Variants in OR2T11 observed in about 807,000 individuals in gnomAD.
The protein encoded by OR2T11 is olfactory receptor 2T11.
In OR2T11, 14 loss-of-function variants were observed where a neutral mutation model predicts 13.5. The ratio of observed to expected loss-of-function variants is 1.04; its 90% CI spans 0.69 to 1.62. The LOEUF (loss-of-function observed/expected upper bound fraction) is 1.62. Among genes scored for constraint, OR2T11 ranks in the 40% most tolerant of loss-of-function variants. The pLI is 0.00. For missense variants in OR2T11, 410 were observed against 389.7 expected, an observed-to-expected ratio of 1.05 and a Z score of -0.44; for synonymous variants, 163 against 154.6, an observed-to-expected ratio of 1.05 and a Z score of -0.40.
At chr1:248,632,341 T>G (rs1170356632) in intron 1 of OR2T11, among the ~76,000 whole-genome samples, 7 of 141,096 alleles carry the variant, frequency 5.0e-5, no homozygotes, top group African/African-American at 2.0e-4. Flanking sequence ...AGACCTCTAA[T>G]GGACAGATTT....
rs1303320658 is a variant in OR2T11 at position 248,628,486 on chromosome 1, G to C, written c.-144-1214C>G. Among the ~76,000 whole-genome samples the C allele has an allele frequency of 1.4e-5, 2 of 140,814 alleles. 1 individual carries two copies. Among genetic ancestry groups the C allele is most frequent in the Non-Finnish European group, 3.0e-5 (2 of 65,772 alleles). The allele number at this position is 140,814 out of a possible 152,430, so 92.4% of individuals were successfully genotyped here. On this transcript the variant is annotated intron_variant, in intron 1 of 1. Transcript: ENST00000641193. ...TTGGCTCCACTATCTAGTGTTGCCA[G>C]ATTTAGCAAAGATACAGGATTCTCA...
rs376054636 is a variant in OR2T11 at position 248,626,977 on chromosome 1, C to T, written c.152G>A (p.Arg51His). Residue 51 changes from arginine to histidine, a missense_variant, in exon 2 of 2, where the codon CGC becomes CAC. By Grantham distance (29) the Arg-to-His change is conservative. Transcript: ENST00000641193. ...VMIFLIQVDS[R>H]LHTPMYFLLS... is the part of the protein sequence containing the mutation. ...CAGAAAGTACATGGGGGTGTGGAGG[C>T]GAGAGTCCACCTGAATCAAGAATAT... 385 of 1,571,204 alleles carry T rather than the reference C, an allele frequency of 2.5e-4. 50 individuals carry two copies. The highest frequency in any genetic ancestry group is 2.8e-4 in the Non-Finnish European group (327 of 1,155,744).
In OR2T11 at chr1:248,629,134, T is replaced by C. The variant is rs151259106; in HGVS notation, c.-144-1862A>G. ...TAAAACAGTAAAAACAGGCCAGGTG[T>C]GGTGGTTCATGCCTGTAACCCCAGC... On this transcript the variant is annotated intron_variant, in intron 1 of 1. Coordinates refer to ENST00000641193, the MANE Select transcript of OR2T11 (RefSeq NM_001001964.2). Among the ~76,000 whole-genome samples, 136 of 143,172 alleles carry C rather than the reference T, an allele frequency of 9.5e-4. 27 individuals carry two copies. The highest frequency in any genetic ancestry group is 3.5e-3 in the African/African-American group (126 of 36,404). 93.9% of individuals were successfully genotyped at this position (143,172 alleles called of 152,430 possible).
At position 248,626,964 on chromosome 1, in the gene OR2T11, G is replaced by C. The variant is rs537122223; in HGVS notation, c.165C>G (p.Pro55=). ...LIQVDSRLHT[P]MYFLLSQLSI... Reference sequence around the variant, plus strand: ...ACAGCTGACTGAGCAGAAAGTACATGGGGGTGTGGAGGCGAGAGTCCACCT... The same window carrying C: ...ACAGCTGACTGAGCAGAAAGTACATCGGGGTGTGGAGGCGAGAGTCCACCT... The change falls in exon 2 of 2, where the codon CCC becomes CCG. Residue 55 remains proline (P), a synonymous_variant. Coordinates refer to ENST00000641193, the MANE Select transcript of OR2T11 (RefSeq NM_001001964.2). The C allele has an allele frequency of 4.5e-6, 7 of 1,572,036 alleles. No homozygotes were observed. The highest frequency in any genetic ancestry group is 6.1e-6 in the Non-Finnish European group (7 of 1,156,136).
Position 248,626,112 on chromosome 1 carries a change from A to G in OR2T11, c.*66T>C, listed in dbSNP as rs1660511530. On this transcript the variant is annotated 3_prime_UTR_variant, in exon 2 of 2. Coordinates refer to ENST00000641193, the MANE Select transcript of OR2T11 (RefSeq NM_001001964.2). The stretch of plus-strand genomic sequence containing the variant: ...GTGTAGGTTGATAGCTGAGCAGATC[A>G]TCTCCAGGGAAACAGGGCAAATGGA... The G allele has an allele frequency of 1.2e-6, 1 of 867,770 alleles. No individual in the cohort carries two copies. The highest frequency in any genetic ancestry group is 1.9e-6 in the Non-Finnish European group (1 of 537,590). 53.8% of individuals were successfully genotyped at this position (867,770 alleles called of 1,614,324 possible).
chr1:248,626,772 G>A lies in OR2T11; in HGVS notation c.357C>T (p.Cys119=). ...FFLLGLMAYD[C]YVAVCNPLRY... ...TCAGAGGGTTACAGACAGCCACGTA[G>A]CAGTCATAGGCCATGAGGCCCAGGA... The change falls in exon 2 of 2, where the codon TGC becomes TGT. Residue 119 remains cysteine, a synonymous_variant. Coordinates refer to ENST00000641193, the MANE Select transcript of OR2T11 (RefSeq NM_001001964.2). 1.3e-6 allele frequency: 2 copies of A among 1,570,278 alleles called. No individual in the cohort carries two copies. The highest frequency in any genetic ancestry group is 1.7e-6 in the Non-Finnish European group (2 of 1,154,838).
In OR2T11 at chr1:248,626,106, C is replaced by A; in HGVS notation, c.*72G>T. On this transcript the variant is annotated 3_prime_UTR_variant, in exon 2 of 2. Coordinates refer to ENST00000641193, the MANE Select transcript of OR2T11 (RefSeq NM_001001964.2). ...TAGTAAGTGTAGGTTGATAGCTGAG[C>A]AGATCATCTCCAGGGAAACAGGGCA... 1.2e-6 allele frequency: 1 copy of A among 824,434 alleles called. No individual in the cohort carries two copies. The highest frequency in any genetic ancestry group is 2.0e-6 in the Non-Finnish European group (1 of 500,768). 51.1% of individuals were successfully genotyped at this position (824,434 alleles called of 1,614,324 possible).
At position 248,626,081 on chromosome 1, in the gene OR2T11, T is replaced by TAG; in HGVS notation, c.*95_*96dup. On this transcript the variant is annotated 3_prime_UTR_variant, in exon 2 of 2. Transcript: ENST00000641193. ...CAGGGTGAATCATCTTAACTGCCAG[T>TAG]AGTAAGTGTAGGTTGATAGCTGAGC... The TAG allele has an allele frequency of 1.5e-6, 1 of 673,884 alleles. No homozygotes were observed. Among genetic ancestry groups the TAG allele is most frequent in the Non-Finnish European group, 2.6e-6 (1 of 387,870 alleles). The allele number at this position is 673,884 out of a possible 1,614,324, so 41.7% of individuals were successfully genotyped here.
In OR2T11 at chr1:248,626,564, T is replaced by G; in HGVS notation, c.565A>C (p.Thr189Pro). 11 of 1,571,910 alleles carry G rather than the reference T, an allele frequency of 7.0e-6. 1 individual carries two copies. Among genetic ancestry groups the G allele is most frequent in the Non-Finnish European group, 9.5e-6 (11 of 1,155,602 alleles). Residue 189 changes from threonine (T) to proline (P), a missense_variant, in exon 2 of 2, where the codon ACG becomes CCG. Thr to Pro is a conservative substitution (Grantham distance 38). Transcript: ENST00000641193. ...TACATCAGAGTTTCATACAAGGACG[T>G]GTCTGCACAGGCCAGTTTCAGAACT... ...PAVLKLACAD[T>P]SLYETLMYIC...
rs527246905 is a variant in OR2T11 at position 248,629,517 on chromosome 1, C to T, written c.-144-2245G>A. Among the ~76,000 whole-genome samples the T allele has an allele frequency of 4.2e-5, 6 of 141,470 alleles. 1 individual carries two copies. Among genetic ancestry groups the T allele is most frequent in the South Asian group, 4.5e-4 (2 of 4,472 alleles). The allele number at this position is 141,470 out of a possible 152,430, so 92.8% of individuals were successfully genotyped here. On this transcript the variant is annotated intron_variant, in intron 1 of 1. Transcript: ENST00000641193. ...GACACATTTTACCCTGGTTGTTCCACGAACTTTCCCACGATCTCCCTGCTG... is the reference window on the plus strand; with the variant it reads ...GACACATTTTACCCTGGTTGTTCCATGAACTTTCCCACGATCTCCCTGCTG...
chr1:248,629,779 G>A (rs1660578877), intron 1 of OR2T11, among the ~76,000 whole-genome samples: 2 of 140,578 alleles, frequency 1.4e-5, no homozygotes. Context: ...CACTTTGCAA[G>A]AGCCCTGAGC....
In OR2T11 at chr1:248,625,766, G is replaced by A. The variant is rs1660504874; in HGVS notation, c.*412C>T. ...TTATCTTCTTTGCCACTTGTGTATT[G>A]GCATTCTTTTACTCTATTGCTGCTA... On this transcript the variant is annotated 3_prime_UTR_variant, in exon 2 of 2. Transcript: ENST00000641193. 6.6e-6 allele frequency: 1 copy of A among 151,132 alleles called. No individual in the cohort carries two copies. Among genetic ancestry groups the A allele is most frequent in the South Asian group, 1.9e-4 (1 of 5,268 alleles). 9.4% of individuals were successfully genotyped at this position (151,132 alleles called of 1,614,324 possible). A position where few individuals can be genotyped will look rare whatever the true frequency, so the allele number is the denominator to read the frequency against.
chr1:248,624,612 ACT>A lies in OR2T11; in HGVS notation c.*1564_*1565del, dbSNP rs1174652474. 3 of 143,544 alleles carry A rather than the reference ACT, an allele frequency of 2.1e-5. No homozygotes were observed. Among genetic ancestry groups the A allele is most frequent in the Admixed American group, 1.4e-4 (2 of 14,746 alleles). 8.9% of individuals were successfully genotyped at this position (143,544 alleles called of 1,614,324 possible). ...CAGTCTCAAGCTTTCTCTTAAGAAA[ACT>A]CTCAAAAAACCTGTTTTTAAATGCT... On this transcript the variant is annotated 3_prime_UTR_variant, in exon 2 of 2. Coordinates refer to ENST00000641193, the MANE Select transcript of OR2T11 (RefSeq NM_001001964.2).
intron 1 of OR2T11, among the ~76,000 whole-genome samples, chr1:248,632,144 A>G (rs2103103864): frequency 6.9e-6 from 1 of 144,280 alleles, no homozygotes; most frequent in African/African-American, 2.7e-5. Flanking sequence ...AAGAATCTTA[A>G]AATTACATGA....
chr1:248,631,760 AT>A (rs1239350580), intron 1 of OR2T11, among the ~76,000 whole-genome samples: 7 of 143,476 alleles, frequency 4.9e-5, no homozygotes, highest in Non-Finnish European at 9.1e-5. Flanking sequence ...CATAAAAAAA[AT>A]CTCATCAAAT....
In OR2T11 at chr1:248,627,097, A is replaced by G; in HGVS notation, c.32T>C (p.Leu11Pro). The change falls in exon 2 of 2, where the codon CTC becomes CCC. Residue 11 changes from leucine to proline, a missense_variant. By Grantham distance (98) the Leu-to-Pro change is moderately conservative. Coordinates refer to ENST00000641193, the MANE Select transcript of OR2T11 (RefSeq NM_001001964.2). MTNTSSSDFTLLGLLVNSEAA... is the reference protein window; with the variant it reads MTNTSSSDFTPLGLLVNSEAA... ...CTCACTGTTCACCAGAAGCCCCAGG[A>G]GGGTGAAGTCAGAGGATGATGTGTT... 2 of 1,563,000 alleles carry G rather than the reference A, an allele frequency of 1.3e-6. No individual in the cohort carries two copies.
chr1:248,627,171 G>T lies in OR2T11; in HGVS notation c.-43C>A. 8.7e-7 allele frequency: 1 copy of T among 1,147,982 alleles called. No individual in the cohort carries two copies. Among genetic ancestry groups the T allele is most frequent in the Non-Finnish European group, 1.3e-6 (1 of 790,792 alleles). 71.1% of individuals were successfully genotyped at this position (1,147,982 alleles called of 1,614,324 possible). ...GTCCCAGGGCAACGGGAAGACACAAGGACCAGGAAGGAGGCAAGAGAACAC... is the reference window on the plus strand; with the variant it reads ...GTCCCAGGGCAACGGGAAGACACAATGACCAGGAAGGAGGCAAGAGAACAC... On this transcript the variant is annotated 5_prime_UTR_variant, in exon 2 of 2. Coordinates refer to ENST00000641193, the MANE Select transcript of OR2T11 (RefSeq NM_001001964.2).
intron 1 of OR2T11, among the ~76,000 whole-genome samples, chr1:248,633,154 G>A (rs1292843044): frequency 2.6e-5 from 3 of 114,632 alleles, no homozygotes; most frequent in African/African-American, 3.7e-5. Context: ...AGTCCATTCC[G>A]GTGTTATTTG....
At chr1:248,633,707 A>ATG (rs2103104534) in intron 1 of OR2T11, among the ~76,000 whole-genome samples, 1 of 4,140 alleles carries the variant, frequency 2.4e-4, no homozygotes, top group East Asian at 0.1. Context: ...ATCACTGGTC[A>ATG]TTTCAATTAA....
Sources: allele counts gnomAD v4.1 joint callset (sites outside exome capture counted in the v4.1 genomes callset), GRCh38; gene constraint gnomAD v4.1.1; transcripts MANE v1.5; gene names NCBI Gene and HGNC (gene_info 2026-07-23, HGNC 2026-07-21).